The following KIAA1217 variants were observed in gnomAD, a reference collection of about 807,000 sequenced individuals.
KIAA1217 encodes KIAA1217.
KIAA1217 carries 88 observed loss-of-function variants against 163.9 expected under a neutral mutation model. The ratio of observed to expected loss-of-function variants is 0.54; its 90% CI spans 0.45 to 0.64. The LOEUF (loss-of-function observed/expected upper bound fraction) is 0.64, where lower values mean the gene tolerates loss of function less well. Ranked by LOEUF, KIAA1217 falls within the 30% of genes least tolerant of loss-of-function variation. The pLI, the probability that KIAA1217 is intolerant of heterozygous loss-of-function variation, is 0.00. For missense variants in KIAA1217, 2,372 were observed against 2,475.0 expected (o/e 0.96, Z 0.88); for synonymous variants, 903 against 923.1 (o/e 0.98, Z 0.39).
intron 1 of KIAA1217, among the ~76,000 whole-genome samples, chr10:23,909,012 C>T (rs1842307427): frequency 6.6e-6 from 1 of 152,138 alleles, no homozygotes; most frequent in Non-Finnish European, 1.5e-5. Flanking sequence ...AAGAGGAATA[C>T]TACTCAGCCA....
At chr10:24,363,876 C>CT (rs757338196) in intron 2 of KIAA1217, among the ~76,000 whole-genome samples, 8 of 151,706 alleles carry the variant, frequency 5.3e-5, no homozygotes, top group Non-Finnish European at 1.2e-4. Context: ...CAGGCCCATT[C>CT]TTTTAATCTT....
At chr10:23,959,057 T>G (rs1486043480) in intron 1 of KIAA1217, among the ~76,000 whole-genome samples, 1 of 151,248 alleles carries the variant, frequency 6.6e-6, no homozygotes, top group Non-Finnish European at 1.5e-5. Context: ...GATCTCAAAA[T>G]AAAGAAACAT....
intron 6 of KIAA1217, among the ~76,000 whole-genome samples, chr10:24,489,860 C>CAA (rs11393718): frequency 0.079 from 5,153 of 64,824 alleles, 359 homozygotes; most frequent in East Asian, 0.13. Flanking sequence ...GAGAACCTGT[C>CAA]AAAAAAAAAA....
intron 2 of KIAA1217, among the ~76,000 whole-genome samples, chr10:24,062,999 T>C (rs2060792189): frequency 6.6e-6 from 1 of 152,048 alleles, no homozygotes; most frequent in Admixed American, 6.5e-5. Context: ...TTTTTTTTTC[T>C]TGTAAGTTTG....
intron 1 of KIAA1217, among the ~76,000 whole-genome samples, chr10:23,836,775 A>C (rs952580681): frequency 6.6e-6 from 1 of 151,914 alleles, no homozygotes; most frequent in Non-Finnish European, 1.5e-5. Flanking sequence ...AAAATAAAAA[A>C]AAAAATTAGC....
intron 2 of KIAA1217, among the ~76,000 whole-genome samples, chr10:24,357,828 A>G (rs2049318524): frequency 6.6e-6 from 1 of 152,164 alleles, no homozygotes; most frequent in South Asian, 2.1e-4. Context: ...ATAGATTGGA[A>G]TGCTCTTGGC....
chr10:23,698,486 G>A (rs1836195956), intron 1 of KIAA1217, among the ~76,000 whole-genome samples: 1 of 152,200 alleles, frequency 6.6e-6, no homozygotes, highest in African/African-American at 2.4e-5. Context: ...GACAATTTGA[G>A]TGAGTCTTGA....
intron 1 of KIAA1217, among the ~76,000 whole-genome samples, chr10:23,906,134 GC>G (rs1187591931): frequency 3.3e-5 from 5 of 152,028 alleles, no homozygotes; most frequent in African/African-American, 1.2e-4. Flanking sequence ...TGAGGGCAGA[GC>G]CTTATGGGCT....
chr10:24,117,268 C>T (rs566148005), intron 2 of KIAA1217, among the ~76,000 whole-genome samples: 123 of 152,238 alleles, frequency 8.1e-4, no homozygotes, highest in African/African-American at 2.9e-3. Context: ...ATCTCCTGAC[C>T]TCAGGTGATC....
At chr10:24,179,233 G>A (rs560177014) in intron 2 of KIAA1217, among the ~76,000 whole-genome samples, 1 of 152,262 alleles carries the variant, frequency 6.6e-6, no homozygotes, top group African/African-American at 2.4e-5. Context: ...ATATGATTTG[G>A]ATCTGTGTCC....
rs34650424 is a variant in KIAA1217, at chr10:24,239,495, C to CTT, written c.354+19601_354+19602dup. ...CGTGCTAAAGGGCTGTTTTTAAGGG[C>CTT]TTTTTTTTTTTTTTTTATTGAATGA... On this transcript the variant is annotated intron_variant, in intron 2 of 20. Coordinates refer to ENST00000376454, the MANE Select transcript of KIAA1217 (RefSeq NM_019590.5). Among the ~76,000 whole-genome samples the CTT allele has an allele frequency of 1.1e-3, 143 of 134,738 alleles. 1 individual carries two copies. Among genetic ancestry groups the CTT allele is most frequent in the Middle Eastern group, 3.9e-3 (1 of 256 alleles). 88.4% of individuals were successfully genotyped at this position (134,738 alleles called of 152,430 possible). A position where few individuals can be genotyped will look rare whatever the true frequency, so the allele number is the denominator to read the frequency against.
At chr10:24,205,401 C>T (rs996239028), upstream of KIAA1217, among the ~76,000 whole-genome samples, 1 of 150,998 alleles carries the variant, frequency 6.6e-6, no homozygotes, top group Non-Finnish European at 1.5e-5. Context: ...CTTGAACCCT[C>T]GAGGCAGAGG....
At chr10:23,750,628 G>A (rs887376606) in intron 1 of KIAA1217, among the ~76,000 whole-genome samples, 2 of 152,040 alleles carry the variant, frequency 1.3e-5, no homozygotes, top group Non-Finnish European at 2.9e-5. Flanking sequence ...TGCCTTTGAC[G>A]GAAGGCACTC....
chr10:24,024,460 C>T (rs1430163911), intron 2 of KIAA1217, among the ~76,000 whole-genome samples: 1 of 151,530 alleles, frequency 6.6e-6, no homozygotes, highest in Non-Finnish European at 1.5e-5. Context: ...TTATTTTTAT[C>T]CACGCAGTAG....
chr10:23,746,797 C>T (rs1839441858), intron 1 of KIAA1217, among the ~76,000 whole-genome samples: 1 of 151,986 alleles, frequency 6.6e-6, no homozygotes, highest in Non-Finnish European at 1.5e-5. Context: ...TGTGTATGCA[C>T]CTTTCCTAGT....
At chr10:24,083,956 G>A (rs1303989395) in intron 2 of KIAA1217, among the ~76,000 whole-genome samples, 1 of 152,158 alleles carries the variant, frequency 6.6e-6, no homozygotes, top group African/African-American at 2.4e-5. Context: ...GATGTCTAAT[G>A]AGGAGCTAGG....
chr10:23,725,414 A>G (rs1838081188), intron 1 of KIAA1217, among the ~76,000 whole-genome samples: 1 of 152,236 alleles, frequency 6.6e-6, no homozygotes, highest in Non-Finnish European at 1.5e-5. Flanking sequence ...TAAGGAATAC[A>G]CAGAAACCAT....
intron 2 of KIAA1217, among the ~76,000 whole-genome samples, chr10:24,379,514 C>T (rs2052996194): frequency 6.6e-6 from 1 of 152,152 alleles, no homozygotes; most frequent in Non-Finnish European, 1.5e-5. Context: ...AAGGTACTGA[C>T]CTTATCCCTG....
chr10:24,449,387 ACAT>A (rs2061220797), intron 5 of KIAA1217: 1 of 818,574 alleles, frequency 1.2e-6, no homozygotes, highest in Non-Finnish European at 1.5e-6. Flanking sequence ...GTATTTATAA[ACAT>A]CACGTGTTTC....
Sources: allele counts gnomAD v4.1 joint callset (sites outside exome capture counted in the v4.1 genomes callset), GRCh38; gene constraint gnomAD v4.1.1; transcripts MANE v1.5; gene names NCBI Gene and HGNC (gene_info 2026-07-23, HGNC 2026-07-21).